Variants in ALMS1 observed in about 807,000 individuals in gnomAD.
The protein encoded by ALMS1 is ALMS1 centrosome and basal body associated protein.
A neutral mutation model predicts 352.2 loss-of-function variants in ALMS1; 271 were observed. That is an observed-to-expected ratio of 0.77 (90% CI 0.70 to 0.85). The LOEUF (loss-of-function observed/expected upper bound fraction) is 0.85. Ranked by LOEUF, ALMS1 falls within the 40% of genes least tolerant of loss-of-function variation. The pLI is 0.00. For missense variants in ALMS1, 5,445 were observed against 4,870.7 expected (o/e 1.12, Z -3.51); for synonymous variants, 1,865 against 1,761.2 (o/e 1.06, Z -1.48).
rs772683919 is a variant in ALMS1, at chr2:73,386,044, A to T, written c.176A>T (p.His59Leu). 2.6e-5 allele frequency: 41 copies of T among 1,574,262 alleles called. 1 individual carries two copies. Among genetic ancestry groups the T allele is most frequent in the South Asian group, 4.7e-5 (4 of 85,890 alleles). ...GGGCGGGAGTTGGACTCCGACTCTC[A>T]CTACGGGCCCCAGCATCTGGAAAGT... ...EAGRELDSDS[H>L]YGPQHLESID... The change falls in exon 1 of 23, where the codon CAC becomes CTC. Residue 59 changes from histidine to leucine, a missense_variant. His to Leu is a moderately conservative substitution (Grantham distance 99, BLOSUM62 -3). Transcript: ENST00000613296.
intron 10 of ALMS1, among the ~76,000 whole-genome samples, chr2:73,515,874 C>T (rs570023543): frequency 7.9e-4 from 120 of 151,612 alleles, no homozygotes; most frequent in Non-Finnish European, 1.4e-3. Context: ...GGATAAATTC[C>T]TGGAAATATA....
At chr2:73,455,424 G>A (rs1416851765) in intron 9 of ALMS1, 129 bp downstream of exon 9, 1 of 1,212,270 alleles carries the variant, frequency 8.2e-7, no homozygotes, top group African/African-American at 1.5e-5. Flanking sequence ...TTTTGTTTTT[G>A]AGACAGTCTT....
chr2:73,493,789 A>G (rs1397807357), intron 10 of ALMS1, among the ~76,000 whole-genome samples: 2 of 152,204 alleles, frequency 1.3e-5, no homozygotes, highest in Non-Finnish European at 2.9e-5. Context: ...AATATATTCA[A>G]ACTTTTTCAT....
chr2:73,598,270 T>A (rs1478588817), intron 16 of ALMS1, among the ~76,000 whole-genome samples: 1 of 152,210 alleles, frequency 6.6e-6, no homozygotes, highest in East Asian at 1.9e-4. Flanking sequence ...AGTGACCTTA[T>A]GTACTAGAGA....
rs77779454 is a variant in ALMS1 at position 73,609,766 on chromosome 2, G to C, written c.*154G>C. On this transcript the variant is annotated 3_prime_UTR_variant, in exon 23 of 23. Transcript: ENST00000613296. ...TCTAAAGAGTCTGGAACAAAGTGGT[G>C]ATTAAAATTCCTAATGGTTTGGGAG... 2.8e-3 allele frequency: 2,153 copies of C among 766,622 alleles called. 44 individuals carry two copies. In the African/African-American group the frequency reaches 0.033, roughly 12 times the overall value. 47.5% of individuals were successfully genotyped at this position (766,622 alleles called of 1,614,324 possible).
intron 10 of ALMS1, among the ~76,000 whole-genome samples, chr2:73,498,508 A>G (rs1673154609): frequency 7.2e-6 from 1 of 139,234 alleles, no homozygotes; most frequent in African/African-American, 2.9e-5. Context: ...CATTCTTTCT[A>G]TTTTGTGTGT....
chr2:73,455,117 A>G, intron 8 of ALMS1, 45 bp from the exon 9 acceptor site: 2 of 1,605,622 alleles, frequency 1.2e-6, no homozygotes, highest in African/African-American at 2.7e-5. Flanking sequence ...TTGACAAATT[A>G]TCACTTTTGC....
At chr2:73,396,550 C>CTTTTTTTTTT (rs60473435) in intron 1 of ALMS1, among the ~76,000 whole-genome samples, 1 of 78,254 alleles carries the variant, frequency 1.3e-5, no homozygotes, top group Non-Finnish European at 2.3e-5. Context: ...GGTCTGAGCT[C>CTTTTTTTTTT]TTTTTTTTTT....
intron 9 of ALMS1, among the ~76,000 whole-genome samples, chr2:73,471,294 C>G (rs1161041637): frequency 2.7e-5 from 4 of 147,146 alleles, no homozygotes; most frequent in African/African-American, 1.0e-4. Context: ...TAACAGAAAA[C>G]AACTTATAGC....
At chr2:73,598,572 G>A (rs1001607092) in intron 16 of ALMS1, among the ~76,000 whole-genome samples, 3 of 152,076 alleles carry the variant, frequency 2.0e-5, no homozygotes, top group African/African-American at 7.2e-5. Flanking sequence ...GATATGCTCA[G>A]TTTCCTATCC....
chr2:73,487,047 TAAAC>T (rs530628154), intron 9 of ALMS1, among the ~76,000 whole-genome samples: 16 of 152,044 alleles, frequency 1.1e-4, no homozygotes, highest in Non-Finnish European at 1.6e-4. Flanking sequence ...GACCCTGTCT[TAAAC>T]AAAGAAGAAG....
intron 9 of ALMS1, among the ~76,000 whole-genome samples, chr2:73,484,148 G>C (rs1372941955): frequency 6.6e-5 from 10 of 151,648 alleles, no homozygotes; most frequent in African/African-American, 2.4e-4. Context: ...CTCATTAGTT[G>C]ATGCAGTTTC....
chr2:73,465,198 G>T (rs1672304870), intron 9 of ALMS1, among the ~76,000 whole-genome samples: 1 of 152,042 alleles, frequency 6.6e-6, no homozygotes, highest in African/African-American at 2.4e-5. Context: ...TAAGCCAAAA[G>T]AACAAAGCTG....
chr2:73,582,124 C>CT (rs1425231353), intron 16 of ALMS1, among the ~76,000 whole-genome samples: 2 of 152,170 alleles, frequency 1.3e-5, no homozygotes, highest in Non-Finnish European at 2.9e-5. Context: ...CACTATTGCT[C>CT]TTTGCCCATC....
At chr2:73,550,851 A>AT (rs1674415492) in intron 13 of ALMS1, among the ~76,000 whole-genome samples, 1 of 150,382 alleles carries the variant, frequency 6.6e-6, no homozygotes, top group Admixed American at 6.6e-5. Flanking sequence ...TTTTTTTTTA[A>AT]TTTTTTTAAA....
chr2:73,440,454 TTCTC>T (rs758891704), intron 7 of ALMS1, among the ~76,000 whole-genome samples: 6 of 150,734 alleles, frequency 4.0e-5, no homozygotes, highest in African/African-American at 7.3e-5. Flanking sequence ...TTCGCTGTCT[TTCTC>T]TCTCTCTCTC....
chr2:73,546,376 G>A (rs10496193), intron 12 of ALMS1, among the ~76,000 whole-genome samples: 57,990 of 151,940 alleles, frequency 0.38, 15,404 homozygotes, highest in African/African-American at 0.76. Flanking sequence ...TTTTAATGAT[G>A]GGAAGCTGTC....
At chr2:73,432,889 G>A (rs1258672837) in intron 7 of ALMS1, among the ~76,000 whole-genome samples, 1 of 152,170 alleles carries the variant, frequency 6.6e-6, no homozygotes, top group Non-Finnish European at 1.5e-5. Context: ...TCTGATGTTA[G>A]AATCTGTTTA....
chr2:73,555,406 A>G (rs532034479), intron 13 of ALMS1, among the ~76,000 whole-genome samples: 8 of 152,218 alleles, frequency 5.3e-5, no homozygotes, highest in African/African-American at 1.7e-4. Context: ...CAATGAATAT[A>G]TATCTGGAAA....
Sources: allele counts gnomAD v4.1 joint callset (sites outside exome capture counted in the v4.1 genomes callset), GRCh38; gene constraint gnomAD v4.1.1; transcripts MANE v1.5; gene names NCBI Gene and HGNC (gene_info 2026-07-23, HGNC 2026-07-21).